The following PALLD variants were observed in gnomAD, a reference collection of about 807,000 sequenced individuals.
PALLD encodes palladin.
PALLD carries 61 observed loss-of-function variants against 123.5 expected under a neutral mutation model. The ratio of observed to expected loss-of-function variants is 0.49; its 90% CI spans 0.40 to 0.61. The LOEUF is 0.61. Among genes scored for constraint, PALLD ranks in the 20% least tolerant of loss-of-function variants. The pLI, the probability that PALLD is intolerant of heterozygous loss-of-function variation, is 0.00. For synonymous variants in PALLD, 465 were observed against 496.4 expected (o/e 0.94, Z 0.84); for missense variants, 1,273 against 1,377.0 (o/e 0.92, Z 1.20).
intron 10 of PALLD, among the ~76,000 whole-genome samples, chr4:168,796,271 GC>G (rs1252232922): frequency 4.6e-5 from 7 of 152,124 alleles, no homozygotes; most frequent in African/African-American, 1.7e-4. Flanking sequence ...GCCCAGGCTG[GC>G]CTAATTGTTT....
At chr4:168,823,081 C>T (rs538551092) in intron 10 of PALLD, among the ~76,000 whole-genome samples, 18 of 152,020 alleles carry the variant, frequency 1.2e-4, no homozygotes, top group South Asian at 2.1e-4. Flanking sequence ...ATTGGTATAA[C>T]GATGAATGTA....
intron 10 of PALLD, among the ~76,000 whole-genome samples, chr4:168,741,039 T>G (rs1452193567): frequency 6.6e-6 from 1 of 152,240 alleles, no homozygotes; most frequent in African/African-American, 2.4e-5. Context: ...AGAAGACTGT[T>G]AAGTGTAATA....
intron 10 of PALLD, among the ~76,000 whole-genome samples, chr4:168,767,368 A>G (rs1331643430): frequency 6.6e-6 from 1 of 152,162 alleles, no homozygotes; most frequent in Non-Finnish European, 1.5e-5. Context: ...CCTTTTCACT[A>G]TACAATTAAT....
At chr4:168,527,758 G>T (rs1764211968) in intron 2 of PALLD, among the ~76,000 whole-genome samples, 1 of 152,094 alleles carries the variant, frequency 6.6e-6, no homozygotes, top group Non-Finnish European at 1.5e-5. Flanking sequence ...GCCCTGAGTG[G>T]CTGATCTGTG....
At chr4:168,629,720 C>T (rs984504722) in intron 2 of PALLD, among the ~76,000 whole-genome samples, 2 of 151,954 alleles carry the variant, frequency 1.3e-5, no homozygotes, top group African/African-American at 4.8e-5. Context: ...AACCGCGTAA[C>T]GTTGGGATAG....
intron 21 of PALLD, 64 bp from the exon 22 acceptor site, chr4:168,926,149 A>C (rs1762548355): frequency 1.5e-6 from 2 of 1,298,052 alleles, no homozygotes; most frequent in South Asian, 3.2e-5. Context: ...ATTTATTTGA[A>C]ATATCTAAAG....
At position 168,526,133 on chromosome 4, in the gene PALLD, A is replaced by G. The variant is rs146023802; in HGVS notation, c.908+13721A>G. On this transcript the variant is annotated intron_variant, in intron 2 of 21. Transcript: ENST00000505667. ...CCTTCCAGCATAGAGTTCAGCTTCC[A>G]ACACACGCCTCAAGAACCATGGGTT... is the stretch of plus-strand genomic sequence containing the variant. 1.0e-3 allele frequency among the ~76,000 whole-genome samples: 157 copies of G among 152,306 alleles called. 2 individuals carry two copies. The highest frequency in any genetic ancestry group is 3.6e-3 in the African/African-American group (150 of 41,568).
chr4:168,525,533 T>C (rs1255029577), intron 2 of PALLD, among the ~76,000 whole-genome samples: 4 of 152,214 alleles, frequency 2.6e-5, no homozygotes, highest in East Asian at 1.9e-4. Context: ...TGCTGCCCCA[T>C]TGTACACACT....
chr4:168,795,960 T>C (rs1365417099), intron 10 of PALLD, among the ~76,000 whole-genome samples: 1 of 152,182 alleles, frequency 6.6e-6, no homozygotes, highest in African/African-American at 2.4e-5. Context: ...GATGTTTTGA[T>C]ACAGGCATGC....
intron 8 of PALLD, among the ~76,000 whole-genome samples, chr4:168,697,755 G>A (rs527790656): frequency 5.3e-4 from 80 of 152,308 alleles, no homozygotes; most frequent in Admixed American, 2.0e-3. Context: ...AGACCTTGAC[G>A]ATGACCTTGA....
At chr4:168,850,523 C>CTTT (rs767777801) in intron 10 of PALLD, among the ~76,000 whole-genome samples, 1,251 of 34,728 alleles carry the variant, frequency 0.036, 423 homozygotes, top group Middle Eastern at 0.1. Context: ...TCTGTCATTT[C>CTTT]TTTTTTTTTT....
intron 9 of PALLD, among the ~76,000 whole-genome samples, chr4:168,709,546 GGAAGGAAGGA>G (rs1784550898): frequency 0.012 from 9 of 738 alleles, no homozygotes; most frequent in Non-Finnish European, 0.018. Flanking sequence ...AAGGAAGGAA[GGAAGGAAGGA>G]AGGAAGGAAG....
intron 10 of PALLD, among the ~76,000 whole-genome samples, chr4:168,846,910 A>C (rs1336387966): frequency 6.6e-6 from 1 of 152,232 alleles, no homozygotes; most frequent in African/African-American, 2.4e-5. Context: ...ACCATGAAAA[A>C]ATGTTAATTT....
At chr4:168,744,048 G>A (rs762900746) in intron 10 of PALLD, among the ~76,000 whole-genome samples, 17 of 152,114 alleles carry the variant, frequency 1.1e-4, no homozygotes, top group Admixed American at 2.6e-4. Flanking sequence ...AAAAGGGGTC[G>A]GGGGAGAGCA....
rs200175917 is a variant in PALLD, at chr4:168,918,125, G to A, written c.2850+2098G>A. Among the ~76,000 whole-genome samples, 6 of 151,892 alleles carry A rather than the reference G, an allele frequency of 4.0e-5. No homozygotes were observed. In the East Asian group the frequency reaches 1.2e-3, roughly 29 times the overall value. ...GAGGCAGGGGAATCACTTGAACCTG[G>A]GAGGCAGAGGTTGCATCACTGCATT... On this transcript the variant is annotated intron_variant, in intron 17 of 21. Coordinates refer to ENST00000505667, the MANE Select transcript of PALLD (RefSeq NM_001166108.2).
At chr4:168,587,255 G>A (rs567613506) in intron 2 of PALLD, among the ~76,000 whole-genome samples, 21 of 152,200 alleles carry the variant, frequency 1.4e-4, no homozygotes, top group Non-Finnish European at 2.5e-4. Flanking sequence ...GAAAATTCTG[G>A]CATCATGATA....
intron 17 of PALLD, among the ~76,000 whole-genome samples, chr4:168,916,783 G>A (rs1760209449): frequency 6.8e-6 from 1 of 147,736 alleles, no homozygotes; most frequent in Admixed American, 6.9e-5. Flanking sequence ...TGGGTCTCCT[G>A]CCTCAGCCTC....
chr4:168,761,641 GTTTGTTTTT>G (rs1325763757), intron 10 of PALLD, among the ~76,000 whole-genome samples: 13 of 11,644 alleles, frequency 1.1e-3, no homozygotes, highest in Non-Finnish European at 2.1e-3. Context: ...TGTTGTTGTT[GTTTGTTTTT>G]TTTTTTTTTT....
rs1762357482 is a variant in PALLD at position 168,925,259 on chromosome 4, C to G, written c.*13C>G. 1 of 1,607,160 alleles carries G rather than the reference C, an allele frequency of 6.2e-7. No individual in the cohort carries two copies. Reference sequence around the variant, plus strand: ...TTCTCGACATTAATAGTGAACCACACCAGGAGAACAAATACCCAAGTATCA... The same window carrying G: ...TTCTCGACATTAATAGTGAACCACAGCAGGAGAACAAATACCCAAGTATCA... On this transcript the variant is annotated 3_prime_UTR_variant, in exon 21 of 22. Coordinates refer to ENST00000505667, the MANE Select transcript of PALLD (RefSeq NM_001166108.2).
Sources: allele counts gnomAD v4.1 joint callset (sites outside exome capture counted in the v4.1 genomes callset), GRCh38; gene constraint gnomAD v4.1.1; transcripts MANE v1.5; gene names NCBI Gene and HGNC (gene_info 2026-07-23, HGNC 2026-07-21).